The following CFAP97 variants were observed in gnomAD, a reference collection of about 807,000 sequenced individuals.
The protein encoded by CFAP97 is cilia- and flagella-associated protein 97.
Under a neutral mutation model 43.1 loss-of-function variants are expected in CFAP97, and 36 were observed. The ratio of observed to expected loss-of-function variants is 0.84; its 90% CI spans 0.64 to 1.10. CFAP97 has a LOEUF of 1.10. CFAP97 is among the 50% of genes least tolerant of loss of function. The probability of loss-of-function intolerance (pLI) is 0.00; values close to 1 mark genes in which losing one functional copy is unlikely to be tolerated. For synonymous variants in CFAP97, 228 were observed against 225.7 expected (o/e 1.01, Z -0.09); for missense variants, 657 against 620.3 (o/e 1.06, Z -0.63).
chr4:185,181,571 C>T (rs563842910), intron 2 of CFAP97, among the ~76,000 whole-genome samples: 2 of 152,126 alleles, frequency 1.3e-5, no homozygotes, highest in Admixed American at 1.3e-4. Context: ...GTGATCCGCC[C>T]GCCTCGGCCT....
At chr4:185,195,257 G>A (rs1268036497) in intron 1 of CFAP97, among the ~76,000 whole-genome samples, 1 of 152,202 alleles carries the variant, frequency 6.6e-6, no homozygotes, top group Admixed American at 6.5e-5. Context: ...GGGAGGCCAA[G>A]GTGGGAGGAC....
chr4:185,184,390 G>A (rs999807987), intron 2 of CFAP97, among the ~76,000 whole-genome samples: 6 of 152,144 alleles, frequency 3.9e-5, no homozygotes, highest in Non-Finnish European at 5.9e-5. Context: ...CGACTGGTTC[G>A]GGAATGGGAG....
intron 4 of CFAP97, 72 bp downstream of exon 4, chr4:185,163,957 T>C: frequency 3.6e-6 from 5 of 1,388,692 alleles, no homozygotes; most frequent in South Asian, 2.6e-5. Context: ...TCTATCATAA[T>C]AACATGTTAC....
At chr4:185,196,466 C>CAAA (rs58653090) in intron 1 of CFAP97, among the ~76,000 whole-genome samples, 1 of 129,660 alleles carries the variant, frequency 7.7e-6, no homozygotes, top group African/African-American at 3.1e-5. Context: ...TAGTCCGTCT[C>CAAA]AAAAAAAAAA....
At chr4:185,201,325 C>CAAA (rs61563241) in intron 1 of CFAP97, among the ~76,000 whole-genome samples, 80 of 128,098 alleles carry the variant, frequency 6.2e-4, no homozygotes, top group African/African-American at 6.8e-4. Context: ...GACTCCGCCT[C>CAAA]AAAAAAAAAA....
In CFAP97 at chr4:185,175,745, A is replaced by G. The variant is rs975989912; in HGVS notation, c.1320+41T>C. 5.0e-6 allele frequency: 8 copies of G among 1,586,214 alleles called. No homozygotes were observed. The Admixed American group carries it at 6.9e-5, about 14-fold the overall frequency. ...GTAAGCTGGACATACAAATCAGTGC[A>G]AACACATTTTCTTTGATGACTAATT... On this transcript the variant is annotated intron_variant, in intron 3 of 4. Transcript: ENST00000458385.
chr4:185,206,210 T>C (rs1455048340), upstream of CFAP97, among the ~76,000 whole-genome samples: 2 of 152,190 alleles, frequency 1.3e-5, no homozygotes, highest in Non-Finnish European at 2.9e-5. Context: ...TATGCACCCA[T>C]GTTCATAGCA....
At chr4:185,206,489 T>C (rs1274693629), upstream of CFAP97, among the ~76,000 whole-genome samples, 1 of 52,458 alleles carries the variant, frequency 1.9e-5, no homozygotes. Context: ...ATGAACCCCA[T>C]CTCACTAAAA....
upstream of CFAP97, chr4:185,204,429 G>T (rs1218738105): frequency 6.6e-6 from 1 of 152,220 alleles, no homozygotes; most frequent in East Asian, 1.9e-4. Flanking sequence ...CCAGAGGCTG[G>T]TTTCAGAATG....
intron 3 of CFAP97, among the ~76,000 whole-genome samples, chr4:185,174,977 T>A (rs1365632144): frequency 2.0e-5 from 3 of 152,242 alleles, no homozygotes; most frequent in Non-Finnish European, 4.4e-5. Context: ...TCAAACTATA[T>A]GATTTGTAAC....
intron 3 of CFAP97, among the ~76,000 whole-genome samples, chr4:185,165,778 T>G (rs1735044529): frequency 6.6e-6 from 1 of 152,182 alleles, no homozygotes; most frequent in Middle Eastern, 3.2e-3. Flanking sequence ...CACACTGTTG[T>G]GAAACATCAC....
rs747272096 is a variant in CFAP97, at chr4:185,175,993, T to C, written c.1113A>G (p.Val371=). ...TGAAAGAGTAGTTTTTCCCGGGTGC[T>C]ACTGAAGGCTGATCAAAGTGATGTT... The part of the protein sequence containing the change: ...PQKHHFDQPS[V]APGKNYSFTR... Residue 371 remains valine, a synonymous_variant, in exon 3 of 5, where the codon GTA becomes GTG. Transcript: ENST00000458385. 6.2e-6 allele frequency: 10 copies of C among 1,613,156 alleles called. No homozygotes were observed. The South Asian group carries it at 1.1e-4, about 18-fold the overall frequency.
At chr4:185,180,544 T>C (rs1366967589) in intron 2 of CFAP97, among the ~76,000 whole-genome samples, 1 of 152,178 alleles carries the variant, frequency 6.6e-6, no homozygotes, top group Non-Finnish European at 1.5e-5. Flanking sequence ...TCACTTAGCA[T>C]AATGTCCTCA....
At chr4:185,169,726 G>T in intron 3 of CFAP97, 1 of 985,394 alleles carries the variant, frequency 1.0e-6, no homozygotes, top group Non-Finnish European at 1.2e-6. Flanking sequence ...TTTCTAGAGC[G>T]ATGAAGCAAA....
Position 185,202,392 on chromosome 4 carries a change from T to A in CFAP97, c.-17+1506A>T, listed in dbSNP as rs1280272786. The stretch of plus-strand genomic sequence containing the variant: ...GGCCAAACCCCACCTCTACAAAAAA[T>A]ACAAAAATTAGCCGGGCGTTGTAGC... On this transcript the variant is annotated intron_variant, in intron 1 of 4. Coordinates refer to ENST00000458385, the MANE Select transcript of CFAP97 (RefSeq NM_020827.3). Among the ~76,000 whole-genome samples the A allele has an allele frequency of 2.6e-5, 4 of 151,862 alleles. No homozygotes were observed. The East Asian group carries it at 7.7e-4, about 29-fold the overall frequency.
At chr4:185,206,146 T>TC, upstream of CFAP97, among the ~76,000 whole-genome samples, 1 of 152,152 alleles carries the variant, frequency 6.6e-6, no homozygotes, top group African/African-American at 2.4e-5. Flanking sequence ...CCCAGCAATT[T>TC]CCCTTCTGGA....
At chr4:185,192,330 T>G (rs1224254375) in intron 1 of CFAP97, among the ~76,000 whole-genome samples, 1 of 152,236 alleles carries the variant, frequency 6.6e-6, no homozygotes, top group African/African-American at 2.4e-5. Context: ...ATTCACAGCA[T>G]ACAGCCAATG....
In CFAP97 at chr4:185,175,778, T is replaced by A; in HGVS notation, c.1320+8A>T. On this transcript the variant is annotated splice_region_variant and intron_variant, in intron 3 of 4. Coordinates refer to ENST00000458385, the MANE Select transcript of CFAP97 (RefSeq NM_020827.3). ...TTTCTTTGATGACTAATTATTTCAG[T>A]TACTTACCAAGTTTTCTCTCTCAAT... 1 of 1,608,694 alleles carries A rather than the reference T, an allele frequency of 6.2e-7. No homozygotes were observed. The highest frequency in any genetic ancestry group is 1.3e-5 in the African/African-American group (1 of 74,760).
chr4:185,191,775 A>G (rs1736268465), intron 1 of CFAP97, among the ~76,000 whole-genome samples: 1 of 151,976 alleles, frequency 6.6e-6, no homozygotes, highest in African/African-American at 2.4e-5. Flanking sequence ...GGTTACAGTG[A>G]GCCGAGATCA....
Sources: allele counts gnomAD v4.1 joint callset (sites outside exome capture counted in the v4.1 genomes callset), GRCh38; gene constraint gnomAD v4.1.1; transcripts MANE v1.5; gene names NCBI Gene and HGNC (gene_info 2026-07-23, HGNC 2026-07-21).